The following GPR37 variants were observed in gnomAD, a reference collection of about 807,000 sequenced individuals.
GPR37 encodes G protein-coupled receptor 37.
GPR37 carries 20 observed loss-of-function variants against 43.6 expected under a neutral mutation model. The ratio of observed to expected loss-of-function variants is 0.46; its 90% confidence interval spans 0.32 to 0.67. The LOEUF (loss-of-function observed/expected upper bound fraction) is 0.67, where lower values mean the gene tolerates loss of function less well. Among genes scored for constraint, GPR37 ranks in the 30% least tolerant of loss-of-function variants. The pLI is 0.03. For missense variants in GPR37, 724 were observed against 797.2 expected (o/e 0.91, Z 1.11); for synonymous variants, 315 against 322.6 (o/e 0.98, Z 0.25).
chr7:124,754,152 C>T (rs1793765552), intron 1 of GPR37, among the ~76,000 whole-genome samples: 1 of 152,090 alleles, frequency 6.6e-6, no homozygotes, highest in Non-Finnish European at 1.5e-5. Context: ...CAAGATATAA[C>T]TAGATTTCAT....
Position 124,764,184 on chromosome 7 carries a change from T to C in GPR37, c.793A>G (p.Met265Val), listed in dbSNP as rs748312718. The change falls in exon 1 of 2, where the codon ATG (methionine) becomes GTG (valine). Residue 265 changes from methionine (M) to valine (V), a missense_variant. Transcript: ENST00000303921. The surrounding 1 kb of genome is among the most constrained non-coding windows in gnomAD (Gnocchi z 5.4). ...CCGAAGATCACCACGGACAGACACA[T>C]GACCGCGTAGGCTCCATAGGACTCC... ...TQESYGAYAVMCLSVVIFGTG... is the reference protein window; with the variant it reads ...TQESYGAYAVVCLSVVIFGTG... The C allele has an allele frequency of 6.3e-7, 1 of 1,596,306 alleles. No homozygotes were observed. Among genetic ancestry groups the C allele is most frequent in the Non-Finnish European group, 8.5e-7 (1 of 1,170,674 alleles).
Position 124,744,637 on chromosome 7 carries a change from C to G in GPR37, c.*1888G>C, listed in dbSNP as rs912291792. On this transcript the variant is annotated 3_prime_UTR_variant, in exon 2 of 2. Coordinates refer to ENST00000303921, the MANE Select transcript of GPR37 (RefSeq NM_005302.5). The stretch of plus-strand genomic sequence containing the variant: ...AAGCATTCCCTCTATTCCAAAGTAT[C>G]GCAGAACTTCACATCTTCCTGAGGC... The G allele has an allele frequency of 6.6e-6, 1 of 152,270 alleles. No individual in the cohort carries two copies. The highest frequency in any genetic ancestry group is 2.4e-5 in the African/African-American group (1 of 41,566). The allele number at this position is 152,270 out of a possible 1,614,324, so 9.4% of individuals were successfully genotyped here.
chr7:124,763,562 C>T (rs1165905550), intron 1 of GPR37, among the ~76,000 whole-genome samples: 1 of 132,722 alleles, frequency 7.5e-6, no homozygotes, highest in Non-Finnish European at 1.6e-5. Context: ...TACACAAATG[C>T]TAATGTTTTT....
chr7:124,755,325 A>G (rs1409653244), intron 1 of GPR37, among the ~76,000 whole-genome samples: 1 of 152,178 alleles, frequency 6.6e-6, no homozygotes, highest in Non-Finnish European at 1.5e-5. Flanking sequence ...TGGGGGAAAA[A>G]TATTTTGAAA....
chr7:124,764,729 C>A lies in GPR37; in HGVS notation c.248G>T (p.Gly83Val), dbSNP rs1468977464. The change falls in exon 1 of 2, where the codon GGA becomes GTA. Residue 83 changes from glycine (G) to valine (V), a missense_variant. Coordinates refer to ENST00000303921, the MANE Select transcript of GPR37 (RefSeq NM_005302.5). The surrounding 1 kb of genome is among the most constrained non-coding windows in gnomAD (Gnocchi z 5.4). The stretch of plus-strand genomic sequence containing the variant: ...GGCCGCCGGCAGGTCCCAGGAGGGT[C>A]CCGCAAGAAACGCTGCCCCCTGCTC... ...REEQGAAFLA[G>V]PSWDLPAAPG... 1.9e-6 allele frequency: 3 copies of A among 1,608,732 alleles called. No homozygotes were observed. Among genetic ancestry groups the A allele is most frequent in the Non-Finnish European group, 1.7e-6 (2 of 1,179,296 alleles).
In GPR37 at chr7:124,744,301, T is replaced by A. The variant is rs1793644008; in HGVS notation, c.*2224A>T. ...TACTATTTCTCCATACTCAAAAACC[T>A]TAAAAGCAAAGCCCCATTTCCTGAA... On this transcript the variant is annotated 3_prime_UTR_variant, in exon 2 of 2. Coordinates refer to ENST00000303921, the MANE Select transcript of GPR37 (RefSeq NM_005302.5). The A allele has an allele frequency of 6.6e-6, 1 of 152,128 alleles. No individual in the cohort carries two copies. Among genetic ancestry groups the A allele is most frequent in the South Asian group, 2.1e-4 (1 of 4,826 alleles). The allele number at this position is 152,128 out of a possible 1,614,324, so 9.4% of individuals were successfully genotyped here.
chr7:124,763,287 G>A lies in GPR37; in HGVS notation c.1023+667C>T, dbSNP rs899991321. Among the ~76,000 whole-genome samples the A allele has an allele frequency of 2.6e-5, 4 of 152,114 alleles. 1 individual carries two copies. The highest frequency in any genetic ancestry group is 3.4e-3 in the Middle Eastern group (1 of 294). ...AAGTCTTATTTTTGCTTAAGTTCAC[G>A]CAAACACACAAAAATAAAATTAAGA... On this transcript the variant is annotated intron_variant, in intron 1 of 1. Coordinates refer to ENST00000303921, the MANE Select transcript of GPR37 (RefSeq NM_005302.5).
rs1272794378 is a variant in GPR37 at position 124,763,463 on chromosome 7, C to G, written c.1023+491G>C. On this transcript the variant is annotated intron_variant, in intron 1 of 1. Coordinates refer to ENST00000303921, the MANE Select transcript of GPR37 (RefSeq NM_005302.5). ...CACAATTTTCTTTCTTTCTTTCTTT[C>G]AATAAAATGTTACTCCAACTTTGCT... Among the ~76,000 whole-genome samples the G allele has an allele frequency of 3.3e-5, 5 of 152,080 alleles. No homozygotes were observed. The East Asian group carries it at 7.7e-4, about 23-fold the overall frequency.
chr7:124,748,188 G>C (rs1793694707), intron 1 of GPR37, among the ~76,000 whole-genome samples: 1 of 152,086 alleles, frequency 6.6e-6, no homozygotes, highest in Admixed American at 6.6e-5. Flanking sequence ...ATCTTTAGAG[G>C]TGTAAAGGGA....
chr7:124,745,553 G>T lies in GPR37; in HGVS notation c.*972C>A, dbSNP rs1278748951. On this transcript the variant is annotated 3_prime_UTR_variant, in exon 2 of 2. Coordinates refer to ENST00000303921, the MANE Select transcript of GPR37 (RefSeq NM_005302.5). Reference sequence around the variant, plus strand: ...TCATTGCACTTAAAGAAATTAAGTTGTATAGATTTCATCAAGTTTATTTTT... The same window carrying T: ...TCATTGCACTTAAAGAAATTAAGTTTTATAGATTTCATCAAGTTTATTTTT... Among the ~76,000 whole-genome samples, 3 of 152,114 alleles carry T rather than the reference G, an allele frequency of 2.0e-5. No homozygotes were observed. The highest frequency in any genetic ancestry group is 4.4e-5 in the Non-Finnish European group (3 of 68,014).
chr7:124,764,182 C>T lies in GPR37; in HGVS notation c.795G>A (p.Met265Ile). The change falls in exon 1 of 2, where the codon ATG becomes ATA. Residue 265 changes from methionine (M) to isoleucine (I), a missense_variant. By Grantham distance (10) the Met-to-Ile change is conservative. This residue lies in a region of GPR37 where 382 missense variants were observed against 355.4 expected (regional missense o/e 1.07). Transcript: ENST00000303921. The surrounding 1 kb of genome is among the most constrained non-coding windows in gnomAD (Gnocchi z 5.4). ...TQESYGAYAV[M>I]CLSVVIFGTG... ...TCCCGAAGATCACCACGGACAGACA[C>T]ATGACCGCGTAGGCTCCATAGGACT... The T allele has an allele frequency of 6.3e-7, 1 of 1,596,218 alleles. No homozygotes were observed.
At chr7:124,757,167 T>C (rs1198293136) in intron 1 of GPR37, among the ~76,000 whole-genome samples, 1 of 152,216 alleles carries the variant, frequency 6.6e-6, no homozygotes, top group Non-Finnish European at 1.5e-5. Context: ...GTCCATCTTC[T>C]TTCTTAGGTT....
rs1315671598 is a variant in GPR37 at position 124,764,058 on chromosome 7, C to T, written c.919G>A (p.Asp307Asn). ...NSLLANLAFW[D>N]FLIIFFCLPL... ...AGGCAGAAGAAGATGATGAGAAAGT[C>T]CCAGAAGGCCAGGTTGGCCAAGAGG... The change falls in exon 1 of 2, where the codon GAC becomes AAC. Residue 307 changes from aspartate (D) to asparagine (N), a missense_variant. Coordinates refer to ENST00000303921, the MANE Select transcript of GPR37 (RefSeq NM_005302.5). The surrounding 1 kb of genome is among the most constrained non-coding windows in gnomAD (Gnocchi z 5.4). 1 of 1,614,162 alleles carries T rather than the reference C, an allele frequency of 6.2e-7. No individual in the cohort carries two copies. The highest frequency in any genetic ancestry group is 1.3e-5 in the African/African-American group (1 of 75,040).
Position 124,746,780 on chromosome 7 carries a change from G to A in GPR37, c.1587C>T (p.Leu529=). 6.2e-7 allele frequency: 1 copy of A among 1,614,042 alleles called. No homozygotes were observed. Among genetic ancestry groups the A allele is most frequent in the Non-Finnish European group, 8.5e-7 (1 of 1,179,936 alleles). ...ATGVSQQTMD[L]LNIISQFLLF... is the part of the protein sequence containing the mutation. ...AAAGGAACTGGCTGATGATATTAAGGAGGTCCATTGTCTGCTGTGAAACCC... is the reference window on the plus strand; with the variant it reads ...AAAGGAACTGGCTGATGATATTAAGAAGGTCCATTGTCTGCTGTGAAACCC... Residue 529 remains leucine (L), a synonymous_variant, in exon 2 of 2, where the codon CTC becomes CTT. Transcript: ENST00000303921.
Position 124,764,696 on chromosome 7 carries a change from C to G in GPR37, c.281G>C (p.Arg94Pro), listed in dbSNP as rs200282466. ...PSWDLPAAPG[R>P]DPAAGRGAEA... Reference sequence around the variant, plus strand: ...CGCCCCTCTGCCTGCAGCCGGGTCACGGCCCGGGGCCGCCGGCAGGTCCCA... The same window carrying G: ...CGCCCCTCTGCCTGCAGCCGGGTCAGGGCCCGGGGCCGCCGGCAGGTCCCA... The change falls in exon 1 of 2, where the codon CGT becomes CCT. Residue 94 changes from arginine to proline, a missense_variant. Transcript: ENST00000303921. This position sits in a 1 kb window ranked among gnomAD's most constrained non-coding sequence, Gnocchi z 5.4. 5 of 1,594,832 alleles carry G rather than the reference C, an allele frequency of 3.1e-6. No homozygotes were observed. Among genetic ancestry groups the G allele is most frequent in the Non-Finnish European group, 4.3e-6 (5 of 1,172,152 alleles).
At chr7:124,762,488 A>AG (rs1161931973) in intron 1 of GPR37, among the ~76,000 whole-genome samples, 1 of 151,878 alleles carries the variant, frequency 6.6e-6, no homozygotes, top group Non-Finnish European at 1.5e-5. Context: ...CTGATAAAAA[A>AG]AAAAAAAGAA....
rs769339365 is a variant in GPR37, at chr7:124,746,475, C to A, written c.*50G>T. 1.2e-5 allele frequency: 16 copies of A among 1,331,288 alleles called. No homozygotes were observed. The highest frequency in any genetic ancestry group is 1.5e-5 in the Non-Finnish European group (15 of 986,590). 82.5% of individuals were successfully genotyped at this position (1,331,288 alleles called of 1,614,324 possible). ...GAAAAATATGAATTAAAAACTTTCA[C>A]GGGATATGAAAATCAAACAAATAAA... On this transcript the variant is annotated 3_prime_UTR_variant, in exon 2 of 2. Coordinates refer to ENST00000303921, the MANE Select transcript of GPR37 (RefSeq NM_005302.5).
At chr7:124,757,691 T>C (rs1368861874) in intron 1 of GPR37, among the ~76,000 whole-genome samples, 3 of 152,206 alleles carry the variant, frequency 2.0e-5, no homozygotes, top group African/African-American at 7.2e-5. Flanking sequence ...TCCACGATGC[T>C]TTGTTCAAAC....
Position 124,764,676 on chromosome 7 carries a change from C to G in GPR37, c.301G>C (p.Gly101Arg). ...APGRDPAAGR[G>R]AEASAAGPPG... ...GGTCCGGCTGCCGACGCCTCCGCCC[C>G]TCTGCCTGCAGCCGGGTCACGGCCC... The change falls in exon 1 of 2, where the codon GGG (glycine) becomes CGG (arginine). Residue 101 changes from glycine to arginine, a missense_variant. Around this residue, in one of 2 missense-constraint regions of GPR37, gnomAD observed 382 missense variants for 355.4 expected, o/e 1.07. Coordinates refer to ENST00000303921, the MANE Select transcript of GPR37 (RefSeq NM_005302.5). The surrounding 1 kb of genome is among the most constrained non-coding windows in gnomAD (Gnocchi z 5.4). The G allele has an allele frequency of 6.3e-7, 1 of 1,591,766 alleles. No individual in the cohort carries two copies. The highest frequency in any genetic ancestry group is 8.5e-7 in the Non-Finnish European group (1 of 1,169,940).
Sources: gnomAD v4.1 joint callset for allele counts (sites outside exome capture counted in the v4.1 genomes callset) on GRCh38, gnomAD v4.1.1 for gene constraint, gnomAD v4.1.1 regional missense constraint, Gnocchi (gnomAD v3.1) non-coding constraint, MANE v1.5 for transcripts, NCBI Gene and HGNC (gene_info 2026-07-23, HGNC 2026-07-21) for gene names.